FOXP2: variants seen among roughly 807,000 people sequenced by gnomAD.
FOXP2 encodes the protein forkhead box P2.
In FOXP2, 12 loss-of-function variants were observed where a neutral mutation model predicts 115.8. The observed-to-expected ratio is 0.10, with a 90% CI of 0.07 to 0.17. The LOEUF (loss-of-function observed/expected upper bound fraction) is 0.17. Ranked by LOEUF, FOXP2 falls within the 10% of genes least tolerant of loss-of-function variation. FOXP2 has a pLI of 1.00. For synonymous variants in FOXP2, 328 were observed against 297.7 expected, an observed-to-expected ratio of 1.10 and a Z score of -1.05; for missense variants, 629 against 843.5, an observed-to-expected ratio of 0.75 and a Z score of 3.15.
chr7:114,199,424 C>T lies in FOXP2; in HGVS notation c.-102+36336C>T, dbSNP rs1794001173. Among the ~76,000 whole-genome samples the T allele has an allele frequency of 3.3e-5, 5 of 151,800 alleles. 1 individual carries two copies. In the South Asian group the frequency reaches 1.0e-3, roughly 32 times the overall value. Reference sequence around the variant, plus strand: ...AAATGAATAAATTGATAAATAAATACATGATGGTCAATACCAGATATATTA... The same window carrying T: ...AAATGAATAAATTGATAAATAAATATATGATGGTCAATACCAGATATATTA... On this transcript the variant is annotated intron_variant, in intron 1 of 17. Coordinates refer to the FOXP2 transcript ENST00000634411.
chr7:114,136,542 T>C (rs1464161586), intron 1 of FOXP2, among the ~76,000 whole-genome samples: 3 of 151,982 alleles, frequency 2.0e-5, no homozygotes, highest in Non-Finnish European at 4.4e-5. Context: ...TAAAAAGTTT[T>C]CAAGATTAAA....
At chr7:114,265,515 T>C (rs2129171954) in intron 1 of FOXP2, among the ~76,000 whole-genome samples, 1 of 152,274 alleles carries the variant, frequency 6.6e-6, no homozygotes, top group African/African-American at 2.4e-5. Context: ...GTGTGGCTTT[T>C]CCAGGCAAAG....
chr7:114,498,572 A>G (rs1797426172), intron 2 of FOXP2, among the ~76,000 whole-genome samples: 1 of 152,212 alleles, frequency 6.6e-6, no homozygotes, highest in African/African-American at 2.4e-5. Context: ...ACATTTAGTA[A>G]CTGGGAACAG....
At chr7:114,219,196 A>C (rs939012029) in intron 1 of FOXP2, among the ~76,000 whole-genome samples, 4 of 152,082 alleles carry the variant, frequency 2.6e-5, no homozygotes, top group Non-Finnish European at 4.4e-5. Context: ...AATTTTTCAA[A>C]TACAAAAGAT....
chr7:114,663,590 T>G, intron 15 of FOXP2, 71 bp downstream of exon 15: 1 of 1,151,564 alleles, frequency 8.7e-7, no homozygotes, highest in Non-Finnish European at 1.3e-6. Context: ...CATGTCTTTG[T>G]ATTTAGGTGA....
intron 2 of FOXP2, among the ~76,000 whole-genome samples, chr7:114,331,219 T>A (rs1419431567): frequency 6.6e-6 from 1 of 152,180 alleles, no homozygotes; most frequent in Non-Finnish European, 1.5e-5. Flanking sequence ...TTCATTTGAA[T>A]TACAATTTAG....
At chr7:114,393,476 C>T (rs551862928) in intron 2 of FOXP2, among the ~76,000 whole-genome samples, 4 of 152,042 alleles carry the variant, frequency 2.6e-5, no homozygotes, top group African/African-American at 9.6e-5. Context: ...AGAGTCTGAC[C>T]AGAGAGAGGA....
intron 1 of FOXP2, among the ~76,000 whole-genome samples, chr7:114,164,454 C>T (rs1220908788): frequency 1.3e-5 from 2 of 151,736 alleles, no homozygotes; most frequent in Admixed American, 6.6e-5. Context: ...AAGTGATTCT[C>T]CTGCCTCAGA....
intron 2 of FOXP2, among the ~76,000 whole-genome samples, chr7:114,488,925 A>G (rs1438391350): frequency 6.6e-6 from 1 of 152,168 alleles, no homozygotes; most frequent in African/African-American, 2.4e-5. Flanking sequence ...AGAAAACAAT[A>G]CTGTGAAATA....
chr7:114,323,726 A>G (rs909016574), intron 2 of FOXP2, among the ~76,000 whole-genome samples: 1 of 152,026 alleles, frequency 6.6e-6, no homozygotes, highest in African/African-American at 2.4e-5. Flanking sequence ...AATATGAAAT[A>G]CCATCAGAGT....
At chr7:114,374,879 C>T (rs1335482063) in intron 2 of FOXP2, among the ~76,000 whole-genome samples, 1 of 152,070 alleles carries the variant, frequency 6.6e-6, no homozygotes, top group Non-Finnish European at 1.5e-5. Context: ...GCAGCAAGTG[C>T]TGTAGAAGTT....
intron 1 of FOXP2, among the ~76,000 whole-genome samples, chr7:114,093,953 G>C (rs1363710036): frequency 1.3e-5 from 2 of 151,986 alleles, no homozygotes; most frequent in African/African-American, 4.8e-5. Flanking sequence ...ACCTTAACAT[G>C]AATAGAATTA....
At chr7:114,340,603 T>C (rs1791178392) in intron 2 of FOXP2, among the ~76,000 whole-genome samples, 2 of 151,190 alleles carry the variant, frequency 1.3e-5, no homozygotes, top group African/African-American at 2.4e-5. Context: ...CACCTAACTT[T>C]GTACAATATA....
chr7:114,362,643 T>TG (rs1791780617), intron 2 of FOXP2, among the ~76,000 whole-genome samples: 1 of 152,024 alleles, frequency 6.6e-6, no homozygotes, highest in Non-Finnish European at 1.5e-5. Context: ...TCTAGTGGTT[T>TG]TGATAATTAA....
chr7:114,386,093 G>T (rs933222700), intron 2 of FOXP2, among the ~76,000 whole-genome samples: 2 of 152,212 alleles, frequency 1.3e-5, no homozygotes, highest in African/African-American at 4.8e-5. Context: ...GAGTCTCGCC[G>T]TATCAGGAGC....
chr7:114,547,197 G>A (rs572445257), intron 3 of FOXP2, among the ~76,000 whole-genome samples: 15 of 148,634 alleles, frequency 1.0e-4, no homozygotes, highest in African/African-American at 3.3e-4. Flanking sequence ...TGGCTAGATA[G>A]CATATAACAT....
chr7:114,509,859 A>G (rs1325553696), intron 2 of FOXP2, among the ~76,000 whole-genome samples: 1 of 152,000 alleles, frequency 6.6e-6, no homozygotes, highest in Non-Finnish European at 1.5e-5. Context: ...GAGTCTGAGT[A>G]AGACCACCTG....
chr7:114,269,329 T>C (rs1396454009), intron 1 of FOXP2, among the ~76,000 whole-genome samples: 1 of 152,250 alleles, frequency 6.6e-6, no homozygotes, highest in African/African-American at 2.4e-5. Context: ...ATTTTGCGTT[T>C]GTAAAGAAAA....
chr7:114,204,793 A>C (rs1794157964), intron 1 of FOXP2, among the ~76,000 whole-genome samples: 1 of 152,134 alleles, frequency 6.6e-6, no homozygotes. Context: ...TTTAAGCATC[A>C]GTGAAATGGC....
Sources: allele counts gnomAD v4.1 joint callset (sites outside exome capture counted in the v4.1 genomes callset), GRCh38; gene constraint gnomAD v4.1.1; transcripts MANE v1.5; gene names NCBI Gene and HGNC (gene_info 2026-07-23, HGNC 2026-07-21).